The following ARHGAP24 variants were observed in gnomAD, a reference collection of about 807,000 sequenced individuals.
The protein encoded by ARHGAP24 is rho GTPase-activating protein 24.
In ARHGAP24, 50 loss-of-function variants were observed where a neutral mutation model predicts 76.4. The ratio of observed to expected loss-of-function variants is 0.65; its 90% confidence interval spans 0.52 to 0.83. ARHGAP24 has a LOEUF of 0.83. Ranked by LOEUF, ARHGAP24 falls within the 40% of genes least tolerant of loss-of-function variation. The pLI, the probability that ARHGAP24 is intolerant of heterozygous loss-of-function variation, is 0.00. For synonymous variants in ARHGAP24, 345 were observed against 323.3 expected (o/e 1.07, Z -0.72); for missense variants, 930 against 914.2 (o/e 1.02, Z -0.22).
At chr4:85,675,753 T>G (rs1722957973) in intron 2 of ARHGAP24, among the ~76,000 whole-genome samples, 1 of 152,210 alleles carries the variant, frequency 6.6e-6, no homozygotes, top group Non-Finnish European at 1.5e-5. Flanking sequence ...TCAGTTGGCT[T>G]GTAGCTCATC....
At chr4:85,665,478 T>G (rs1017584440) in intron 2 of ARHGAP24, among the ~76,000 whole-genome samples, 2 of 152,190 alleles carry the variant, frequency 1.3e-5, no homozygotes, top group African/African-American at 4.8e-5. Flanking sequence ...AATTTGCCAG[T>G]CTGTGTCTTT....
At chr4:85,739,246 AC>A (rs1725727385) in intron 3 of ARHGAP24, among the ~76,000 whole-genome samples, 1 of 152,040 alleles carries the variant, frequency 6.6e-6, no homozygotes, top group Non-Finnish European at 1.5e-5. Context: ...TCTACCCAGA[AC>A]CCTTCTATGC....
intron 3 of ARHGAP24, among the ~76,000 whole-genome samples, chr4:85,868,122 C>G (rs1336231567): frequency 6.6e-6 from 1 of 151,920 alleles, no homozygotes; most frequent in Non-Finnish European, 1.5e-5. Context: ...TACATTAGTT[C>G]CGCCTGGAAA....
At chr4:85,604,393 TA>T (rs1720125314) in intron 2 of ARHGAP24, 1 of 152,224 alleles carries the variant, frequency 6.6e-6, no homozygotes, top group African/African-American at 2.4e-5. Context: ...CTTTATTTAA[TA>T]GTAAGTAAAC....
intron 2 of ARHGAP24, among the ~76,000 whole-genome samples, chr4:85,626,862 T>A (rs1374273827): frequency 3.9e-5 from 6 of 152,226 alleles, no homozygotes; most frequent in Non-Finnish European, 7.3e-5. Flanking sequence ...TTCTAGTTGA[T>A]CGCATCGGCT....
At chr4:85,875,579 A>ATAT (rs1207240098) in intron 3 of ARHGAP24, among the ~76,000 whole-genome samples, 1 of 105,168 alleles carries the variant, frequency 9.5e-6, no homozygotes, top group East Asian at 2.6e-4. Flanking sequence ...TATAATATAT[A>ATAT]ATATATATTT....
intron 1 of ARHGAP24, among the ~76,000 whole-genome samples, chr4:85,513,410 G>A (rs1724360122): frequency 6.6e-6 from 1 of 152,168 alleles, no homozygotes. Flanking sequence ...GGGAGCACTA[G>A]TACTCCATTA....
intron 8 of ARHGAP24, among the ~76,000 whole-genome samples, chr4:85,978,858 A>G (rs346475): frequency 0.36 from 54,054 of 151,984 alleles, 9,796 homozygotes; most frequent in East Asian, 0.52. Context: ...CCTAATATCC[A>G]GAATTTTATA....
At chr4:85,923,523 A>C (rs915964172) in intron 3 of ARHGAP24, 125 bp from the exon 4 acceptor site, 1 of 1,342,340 alleles carries the variant, frequency 7.4e-7, no homozygotes, top group Admixed American at 2.0e-5. Context: ...TAAATATTTC[A>C]TCATTGGGTA....
At chr4:85,820,805 A>G (rs970264069) in intron 3 of ARHGAP24, among the ~76,000 whole-genome samples, 1 of 152,156 alleles carries the variant, frequency 6.6e-6, no homozygotes, top group Non-Finnish European at 1.5e-5. Flanking sequence ...AATTTGTTCT[A>G]AAAGGTCTTA....
chr4:85,564,328 G>A (rs979646361), intron 1 of ARHGAP24, among the ~76,000 whole-genome samples: 2 of 151,410 alleles, frequency 1.3e-5, no homozygotes, highest in Middle Eastern at 3.4e-3. Flanking sequence ...TCGCTCATAG[G>A]TGGGAATTGA....
chr4:85,721,828 T>A (rs1428337498), intron 2 of ARHGAP24, 57 bp from the exon 3 acceptor site: 2 of 1,404,604 alleles, frequency 1.4e-6, no homozygotes, highest in Non-Finnish European at 2.0e-6. Flanking sequence ...ATTATAATGA[T>A]GATATATGAT....
chr4:85,793,898 G>C (rs554165437), intron 3 of ARHGAP24, among the ~76,000 whole-genome samples: 105 of 152,220 alleles, frequency 6.9e-4, no homozygotes, highest in Non-Finnish European at 8.7e-4. Flanking sequence ...GATATAAATA[G>C]AACAGTTTTT....
intron 3 of ARHGAP24, chr4:85,722,668 G>A (rs909775687): frequency 5.2e-5 from 8 of 154,168 alleles, no homozygotes; most frequent in African/African-American, 1.9e-4. Context: ...ATTCCTCCAA[G>A]GCCATGTTGT....
intron 3 of ARHGAP24, chr4:85,723,632 C>T (rs534114996): frequency 1.3e-5 from 2 of 152,306 alleles, no homozygotes; most frequent in Admixed American, 1.3e-4. Flanking sequence ...TGAAAAGATG[C>T]TTCCTGAATT....
intron 2 of ARHGAP24, among the ~76,000 whole-genome samples, chr4:85,679,737 T>C (rs1723131352): frequency 6.6e-6 from 1 of 152,128 alleles, no homozygotes; most frequent in African/African-American, 2.4e-5. Context: ...CCACTCGCCT[T>C]CCTGACATGC....
intron 5 of ARHGAP24, among the ~76,000 whole-genome samples, chr4:85,970,296 C>A (rs1036280127): frequency 1.3e-5 from 2 of 152,180 alleles, no homozygotes; most frequent in Non-Finnish European, 2.9e-5. Flanking sequence ...CCCTTCGGAT[C>A]TTGGCTCCAA....
At chr4:85,504,441 T>C (rs1723954516) in intron 1 of ARHGAP24, among the ~76,000 whole-genome samples, 1 of 152,218 alleles carries the variant, frequency 6.6e-6, no homozygotes, top group Admixed American at 6.5e-5. Flanking sequence ...AGTTAGCTCT[T>C]CTTGTTGAAT....
At chr4:85,806,960 T>A (rs188033680) in intron 3 of ARHGAP24, among the ~76,000 whole-genome samples, 36 of 152,322 alleles carry the variant, frequency 2.4e-4, no homozygotes, top group African/African-American at 8.4e-4. Flanking sequence ...ATTATGCTGT[T>A]CTAAAATAAT....
Sources: allele counts gnomAD v4.1 joint callset (sites outside exome capture counted in the v4.1 genomes callset), GRCh38; gene constraint gnomAD v4.1.1; transcripts MANE v1.5; gene names NCBI Gene and HGNC (gene_info 2026-07-23, HGNC 2026-07-21).